The following XPOT variants were observed in gnomAD, a reference collection of about 807,000 sequenced individuals.
The protein encoded by XPOT is exportin for tRNA, also known as exportin-T.
XPOT carries 34 observed loss-of-function variants against 128.2 expected under a neutral mutation model. That is an observed-to-expected ratio of 0.27 (90% CI 0.20 to 0.35). The LOEUF is 0.35. XPOT is among the 10% of genes least tolerant of loss of function. The probability of loss-of-function intolerance (pLI) is 1.00; values close to 1 mark genes in which losing one functional copy is unlikely to be tolerated. For synonymous variants in XPOT, 348 were observed against 394.3 expected, an observed-to-expected ratio of 0.88 and a Z score of 1.39; for missense variants, 838 against 1,125.3, an observed-to-expected ratio of 0.74 and a Z score of 3.65.
rs758275735 is a variant in XPOT at position 64,420,099 on chromosome 12, T to C, written c.519T>C (p.Asp173=). 6.3e-7 allele frequency: 1 copy of C among 1,590,724 alleles called. No homozygotes were observed. The change falls in exon 7 of 25, where the codon GAT becomes GAC. Residue 173 remains aspartate, a synonymous_variant. Coordinates refer to ENST00000332707, the MANE Select transcript of XPOT (RefSeq NM_007235.6). Reference sequence around the variant, plus strand: ...CTCGTAGGAATACTCTCATAAAAGATACCATGAGGGAACAGTGCATTCCAA... The same window carrying C: ...CTCGTAGGAATACTCTCATAAAAGACACCATGAGGGAACAGTGCATTCCAA... ...EEARRNTLIK[D]TMREQCIPNL...
rs757962360 is a variant in XPOT at position 64,435,033 on chromosome 12, G to C, written c.2685+124G>C. 1.4e-5 allele frequency: 11 copies of C among 785,670 alleles called. No homozygotes were observed. In the East Asian group the frequency reaches 3.1e-4, roughly 22 times the overall value. 48.7% of individuals were successfully genotyped at this position (785,670 alleles called of 1,614,324 possible). Reference sequence around the variant, plus strand: ...TTTTAACTTAGTGATTTCAGATCAGGGTTCTTTTTTTAAAGATTTATGATA... The same window carrying C: ...TTTTAACTTAGTGATTTCAGATCAGCGTTCTTTTTTTAAAGATTTATGATA... On this transcript the variant is annotated intron_variant, in intron 21 of 24. Transcript: ENST00000332707.
rs371508155 is a variant in XPOT at position 64,428,061 on chromosome 12, A to T, written c.1678A>T (p.Asn560Tyr). ...RFVKSLNKQM[N>Y]PFIEDILNRI... is the part of the protein sequence containing the mutation. ...TTTTCTGTTTTTCAGTAAGCAAATG[A>T]ATCCTTTCATTGAGGATATTTTGAA... The change falls in exon 16 of 25, where the codon AAT (asparagine) becomes TAT (tyrosine). Residue 560 changes from asparagine (N) to tyrosine (Y), a missense_variant. This residue lies in a region of XPOT where 761 missense variants were observed against 988.3 expected (regional missense o/e 0.77). Transcript: ENST00000332707. 2.5e-5 allele frequency: 39 copies of T among 1,570,736 alleles called. No homozygotes were observed. Among genetic ancestry groups the T allele is most frequent in the Non-Finnish European group, 3.4e-5 (39 of 1,142,836 alleles).
At chr12:64,425,748 G>A in intron 14 of XPOT, 67 bp from the exon 15 acceptor site, 4 of 1,489,762 alleles carry the variant, frequency 2.7e-6, no homozygotes, top group Non-Finnish European at 3.7e-6. Flanking sequence ...GAACAAAAAT[G>A]TAGCAGGACA....
intron 18 of XPOT, among the ~76,000 whole-genome samples, chr12:64,432,629 G>T (rs1195194728): frequency 1.3e-5 from 2 of 152,124 alleles, no homozygotes; most frequent in African/African-American, 4.8e-5. Context: ...AGAAGACAGG[G>T]ATTATATGTT....
intron 23 of XPOT, among the ~76,000 whole-genome samples, chr12:64,441,999 C>G (rs528788413): frequency 6.6e-6 from 1 of 151,870 alleles, no homozygotes; most frequent in African/African-American, 2.4e-5. Context: ...ATTTTGTTGA[C>G]CTGATGGAAC....
chr12:64,445,249 GAA>G (rs34428381), intron 24 of XPOT, 118 bp downstream of exon 24: 1 of 727,378 alleles, frequency 1.4e-6, no homozygotes, highest in Non-Finnish European at 2.2e-6. Context: ...CTAAGCTCTT[GAA>G]AAAGAGTATA....
rs1204256495 is a variant in XPOT at position 64,417,547 on chromosome 12, T to A, written c.201-499T>A. 2.4e-3 allele frequency among the ~76,000 whole-genome samples: 341 copies of A among 141,578 alleles called. 2 individuals carry two copies. Among genetic ancestry groups the A allele is most frequent in the African/African-American group, 7.0e-3 (268 of 38,196 alleles). 92.9% of individuals were successfully genotyped at this position (141,578 alleles called of 152,430 possible). On this transcript the variant is annotated intron_variant, in intron 4 of 24. Transcript: ENST00000332707. ...CTTGTCTCAAAAAAAAAAAAAAAAA[T>A]GAAAATCCAGATATTTCACAGAAAA...
chr12:64,428,476 C>T (rs1565800233), intron 16 of XPOT, among the ~76,000 whole-genome samples: 1 of 151,966 alleles, frequency 6.6e-6, no homozygotes. Flanking sequence ...CTAAATTATT[C>T]TGTTTAATCC....
intron 15 of XPOT, among the ~76,000 whole-genome samples, chr12:64,426,325 T>G (rs1206750708): frequency 7.1e-6 from 1 of 141,264 alleles, no homozygotes; most frequent in East Asian, 2.0e-4. Flanking sequence ...AAAAAGAAAA[T>G]GTAGTACACA....
chr12:64,445,026 TAATACA>T (rs769456753), intron 23 of XPOT, 43 bp from the exon 24 acceptor site: 6 of 1,491,798 alleles, frequency 4.0e-6, no homozygotes, highest in African/African-American at 2.8e-5. Flanking sequence ...ACAATGGATT[TAATACA>T]AATACATTTG....
At position 64,410,043 on chromosome 12, in the gene XPOT, A is replaced by C. The variant is rs746398575; in HGVS notation, c.8A>C (p.Glu3Ala). 5.6e-6 allele frequency: 9 copies of C among 1,613,926 alleles called. No homozygotes were observed. In the East Asian group the frequency reaches 2.0e-4, roughly 36 times the overall value. Residue 3 changes from glutamate to alanine, a missense_variant, in exon 2 of 25, where the codon GAA (glutamate) becomes GCA (alanine). Glu to Ala is a moderately radical substitution (Grantham distance 107). Coordinates refer to ENST00000332707, the MANE Select transcript of XPOT (RefSeq NM_007235.6). MD[E>A]QALLGLNPNA... ...ACAAGTATAACAGCGAGGATGGATG[A>C]ACAGGCTCTATTAGGGCTAAATCCA...
intron 24 of XPOT, 94 bp downstream of exon 24, chr12:64,445,225 G>T: frequency 1.0e-6 from 1 of 960,818 alleles, no homozygotes; most frequent in East Asian, 2.6e-5. Flanking sequence ...ATGTTTATGT[G>T]AAGTCCCTTT....
rs1324034164 is a variant in XPOT at position 64,420,398 on chromosome 12, G to A, written c.720G>A (p.Arg240=). The change falls in exon 8 of 25, where the codon CGG becomes CGA. Residue 240 remains arginine, a synonymous_variant. Coordinates refer to ENST00000332707, the MANE Select transcript of XPOT (RefSeq NM_007235.6). ...GTCATATGTCAATAGAAGTTCTACG[G>A]GAAGAAGCATGTGACTGTTTATTTG... is the stretch of plus-strand genomic sequence containing the variant. ...LLGHMSIEVL[R]EEACDCLFEV... 3 of 1,613,712 alleles carry A rather than the reference G, an allele frequency of 1.9e-6. No individual in the cohort carries two copies. Among genetic ancestry groups the A allele is most frequent in the East Asian group, 4.5e-5 (2 of 44,838 alleles).
At position 64,423,204 on chromosome 12, in the gene XPOT, A is replaced by G; in HGVS notation, c.1142A>G (p.Lys381Arg). The stretch of plus-strand genomic sequence containing the variant: ...TAGGCAATCATGTTGGCCGTTATGA[A>G]AAAATTGACTTACGATGAAGAATAT... ...NVEAIMLAVM[K>R]KLTYDEEYNF... Residue 381 changes from lysine (K) to arginine (R), a missense_variant, in exon 11 of 25, where the codon AAA becomes AGA. Physicochemically the swap from Lys to Arg is conservative, Grantham distance 26. Around this residue, in one of 3 missense-constraint regions of XPOT, gnomAD observed 761 missense variants for 988.3 expected, o/e 0.77. Transcript: ENST00000332707. 1 of 1,596,800 alleles carries G rather than the reference A, an allele frequency of 6.3e-7. No individual in the cohort carries two copies. Among genetic ancestry groups the G allele is most frequent in the Non-Finnish European group, 8.5e-7 (1 of 1,175,744 alleles).
chr12:64,421,033 C>A (rs571759012), intron 8 of XPOT, among the ~76,000 whole-genome samples: 2 of 152,272 alleles, frequency 1.3e-5, no homozygotes, highest in South Asian at 4.1e-4. Context: ...AACTCTTGAC[C>A]TCAGGTAATC....
chr12:64,415,093 G>A, intron 3 of XPOT, 104 bp downstream of exon 3: 1 of 722,966 alleles, frequency 1.4e-6, no homozygotes, highest in Non-Finnish European at 2.3e-6. Context: ...AACATTTTAT[G>A]ACTTTTTTTT....
intron 23 of XPOT, among the ~76,000 whole-genome samples, chr12:64,440,683 G>A (rs1022743015): frequency 6.6e-6 from 1 of 151,894 alleles, no homozygotes; most frequent in South Asian, 2.1e-4. Context: ...ATCTCATTGT[G>A]GTTTTGATTT....
At position 64,430,307 on chromosome 12, in the gene XPOT, A is replaced by G. The variant is rs1278426170; in HGVS notation, c.1976+20A>G. 6.5e-7 allele frequency: 1 copy of G among 1,529,630 alleles called. No individual in the cohort carries two copies. The highest frequency in any genetic ancestry group is 8.8e-7 in the Non-Finnish European group (1 of 1,140,524). 94.8% of individuals were successfully genotyped at this position (1,529,630 alleles called of 1,614,324 possible). ...TGCAAGGTAAGTGTGATCACAGTTA[A>G]AATTATAAAGTGCATGTATCTACAC... On this transcript the variant is annotated intron_variant, in intron 17 of 24. Transcript: ENST00000332707.
intron 2 of XPOT, 51 bp from the exon 3 acceptor site, chr12:64,414,856 G>T: frequency 9.2e-7 from 1 of 1,085,184 alleles, no homozygotes. Context: ...TATTAGCAGG[G>T]CATTGAGATT....
Sources: gnomAD v4.1 joint callset for allele counts (sites outside exome capture counted in the v4.1 genomes callset) on GRCh38, gnomAD v4.1.1 for gene constraint, gnomAD v4.1.1 regional missense constraint, MANE v1.5 for transcripts, NCBI Gene and HGNC (gene_info 2026-07-23, HGNC 2026-07-21) for gene names.